The following PARP2 variants were observed in gnomAD, a reference collection of about 807,000 sequenced individuals.
The protein encoded by PARP2 is poly(ADP-ribose) polymerase 2.
PARP2 carries 57 observed loss-of-function variants against 77.8 expected under a neutral mutation model. The observed-to-expected ratio is 0.73, with a 90% CI of 0.59 to 0.91. PARP2 has a LOEUF of 0.91. PARP2 is among the 40% of genes least tolerant of loss of function. PARP2 has a pLI of 0.00. For synonymous variants in PARP2, 226 were observed against 242.6 expected (o/e 0.93, Z 0.64); for missense variants, 651 against 689.0 (o/e 0.94, Z 0.62).
At chr14:20,347,356 G>GTGTATGTA (rs1168423656) in intron 4 of PARP2, among the ~76,000 whole-genome samples, 12 of 29,568 alleles carry the variant, frequency 4.1e-4, no homozygotes, top group Non-Finnish European at 6.5e-4. Context: ...ATGTGTGTGT[G>GTGTATGTA]TATATATATA....
At chr14:20,356,952 T>C (rs990922108) in intron 13 of PARP2, 99 bp from the exon 14 acceptor site, 21 of 820,168 alleles carry the variant, frequency 2.6e-5, no homozygotes, top group African/African-American at 2.0e-4. Flanking sequence ...AGGGTCTATA[T>C]TGTGTTTAAG....
At chr14:20,357,583 A>T in intron 15 of PARP2, 55 bp from the exon 16 acceptor site, 1 of 1,605,016 alleles carries the variant, frequency 6.2e-7, no homozygotes, top group Non-Finnish European at 8.5e-7. Flanking sequence ...TACGTTCTCT[A>T]TTGCAGCTTC....
At chr14:20,351,024 T>G (rs770161745) in intron 5 of PARP2, 23 bp from the exon 6 acceptor site, 1 of 1,599,242 alleles carries the variant, frequency 6.3e-7, no homozygotes, top group East Asian at 2.2e-5. Context: ...GGAACTATCT[T>G]ATGTGTGGCA....
intron 12 of PARP2, 60 bp downstream of exon 12, chr14:20,356,494 C>G: frequency 6.2e-7 from 1 of 1,610,706 alleles, no homozygotes; most frequent in Non-Finnish European, 8.5e-7. Flanking sequence ...AGCTGTAGAA[C>G]TTATAAGAGG....
chr14:20,352,492 C>T (rs1365701098), intron 7 of PARP2, 145 bp downstream of exon 7: 2 of 534,770 alleles, frequency 3.7e-6, no homozygotes, highest in Non-Finnish European at 6.6e-6. Flanking sequence ...AAGTGATCCT[C>T]CCACCTCAGC....
chr14:20,357,234 G>T (rs1288971198), intron 14 of PARP2, 85 bp downstream of exon 14: 4 of 1,325,844 alleles, frequency 3.0e-6, no homozygotes, highest in Non-Finnish European at 4.3e-6. Flanking sequence ...GAACCAAGAG[G>T]TTTACCTGGG....
rs1883743744 is a variant in PARP2, at chr14:20,346,877, T to G, written c.288T>G (p.Cys96Trp). Reference sequence around the variant, plus strand: ...TCCCTTTCTAGGCTCATGTGTATTGTGAAGGAAATGATGTCTATGATGTCA... The same window carrying G: ...TCCCTTTCTAGGCTCATGTGTATTGGGAAGGAAATGATGTCTATGATGTCA... ...TAKVGKAHVY[C>W]EGNDVYDVML... Residue 96 changes from cysteine to tryptophan, a missense_variant, in exon 4 of 16, where the codon TGT becomes TGG. By Grantham distance (215) the Cys-to-Trp change is radical (BLOSUM62 -2). Transcript: ENST00000429687. 2 of 1,605,858 alleles carry G rather than the reference T, an allele frequency of 1.2e-6. No homozygotes were observed. Among genetic ancestry groups the G allele is most frequent in the Non-Finnish European group, 8.5e-7 (1 of 1,174,012 alleles).
At chr14:20,344,664 T>C (rs1883640466) in intron 1 of PARP2, among the ~76,000 whole-genome samples, 1 of 151,822 alleles carries the variant, frequency 6.6e-6, no homozygotes, top group Non-Finnish European at 1.5e-5. Context: ...AATACAAAAA[T>C]TAACTGGGCA....
At chr14:20,352,220 T>C in intron 6 of PARP2, 25 bp from the exon 7 acceptor site, 1 of 1,338,672 alleles carries the variant, frequency 7.5e-7, no homozygotes, top group Non-Finnish European at 1.1e-6. Context: ...ATTTGTAAAG[T>C]TTTCTTACAC....
In PARP2 at chr14:20,355,390, C is replaced by T. The variant is rs113285170; in HGVS notation, c.903-362C>T. Reference sequence around the variant, plus strand: ...TTTCTTTTATAGCTTTATAGAGCCCCGTGACCTAGAAATAACCCTGAGTGG... The same window carrying T: ...TTTCTTTTATAGCTTTATAGAGCCCTGTGACCTAGAAATAACCCTGAGTGG... On this transcript the variant is annotated intron_variant, in intron 9 of 15. Coordinates refer to ENST00000429687, the MANE Select transcript of PARP2 (RefSeq NM_001042618.2). 4.6e-3 allele frequency: 851 copies of T among 184,746 alleles called. 9 individuals carry two copies. Among genetic ancestry groups the T allele is most frequent in the African/African-American group, 0.019 (792 of 42,422 alleles). The allele number at this position is 184,746 out of a possible 1,614,324, so 11.4% of individuals were successfully genotyped here. A position where few individuals can be genotyped will look rare whatever the true frequency, so the allele number is the denominator to read the frequency against.
intron 4 of PARP2, 90 bp downstream of exon 4, chr14:20,347,003 A>T: frequency 1.3e-6 from 1 of 784,366 alleles, no homozygotes; most frequent in South Asian, 1.8e-5. Context: ...TCAGATCTTT[A>T]AAGTCCCTTT....
chr14:20,355,699 G>A (rs1271328650), intron 9 of PARP2, 53 bp from the exon 10 acceptor site: 39 of 1,400,650 alleles, frequency 2.8e-5, no homozygotes, highest in Non-Finnish European at 3.4e-5. Flanking sequence ...TTAGTCATGC[G>A]CCTTTTAGCC....
intron 8 of PARP2, 109 bp from the exon 9 acceptor site, chr14:20,354,700 C>G: frequency 8.8e-7 from 1 of 1,139,536 alleles, no homozygotes; most frequent in Non-Finnish European, 1.2e-6. Flanking sequence ...ATCTTAAAAA[C>G]AGGAAAAAAA....
Position 20,343,689 on chromosome 14 carries a change from T to C in PARP2, c.46+2T>C, listed in dbSNP as rs1226193715. 2.5e-6 allele frequency: 4 copies of C among 1,608,752 alleles called. No individual in the cohort carries two copies. The highest frequency in any genetic ancestry group is 2.7e-5 in the African/African-American group (2 of 74,852). Reference sequence around the variant, plus strand: ...GCACCGGCGGCGGCAGGGCGAGAGGTTCGGAGCTCAATATCGCGGGACGGC... The same window carrying C: ...GCACCGGCGGCGGCAGGGCGAGAGGCTCGGAGCTCAATATCGCGGGACGGC... On this transcript the variant is annotated splice_donor_variant, in intron 1 of 15. Coordinates refer to ENST00000429687, the MANE Select transcript of PARP2 (RefSeq NM_001042618.2). LOFTEE classifies it high-confidence loss of function.
At chr14:20,348,490 C>T (rs1014282187) in intron 4 of PARP2, among the ~76,000 whole-genome samples, 16 of 151,926 alleles carry the variant, frequency 1.1e-4, no homozygotes, top group African/African-American at 2.7e-4. Context: ...ACCTCAGCCT[C>T]CCAAGTAGCT....
chr14:20,343,672 G>C lies in PARP2; in HGVS notation c.31G>C (p.Gly11Arg). 1 of 1,610,080 alleles carries C rather than the reference G, an allele frequency of 6.2e-7. No individual in the cohort carries two copies. The highest frequency in any genetic ancestry group is 8.5e-7 in the Non-Finnish European group (1 of 1,178,866). Residue 11 changes from glycine (G) to arginine (R), a missense_variant, in exon 1 of 16, where the codon GGC becomes CGC. By Grantham distance (125) the Gly-to-Arg change is moderately radical. Coordinates refer to ENST00000429687, the MANE Select transcript of PARP2 (RefSeq NM_001042618.2). MAARRRRSTG[G>R]GRARALNESK... ...GGCGCGGCGGCGACGGAGCACCGGC[G>C]GCGGCAGGGCGAGAGGTTCGGAGCT...
chr14:20,351,152 T>C, intron 6 of PARP2, 30 bp downstream of exon 6: 4 of 1,546,270 alleles, frequency 2.6e-6, no homozygotes, highest in Non-Finnish European at 3.6e-6. Flanking sequence ...TACAAAAAAA[T>C]ATACCCTCCT....
At chr14:20,344,908 T>C in intron 1 of PARP2, 24 bp from the exon 2 acceptor site, 1 of 1,531,938 alleles carries the variant, frequency 6.5e-7, no homozygotes, top group Non-Finnish European at 9.0e-7. Flanking sequence ...GTACTCATTC[T>C]TTGCTAATTT....
At position 20,346,849 on chromosome 14, in the gene PARP2, C is replaced by G. The variant is rs1288679603; in HGVS notation, c.274-14C>G. On this transcript the variant is annotated splice_polypyrimidine_tract_variant and intron_variant, in intron 3 of 15. Transcript: ENST00000429687. ...CTATACTAATGTTGATTTTTTCTCT[C>G]TCTCCCTTTCTAGGCTCATGTGTAT... The G allele has an allele frequency of 3.8e-6, 6 of 1,579,022 alleles. No homozygotes were observed. In the East Asian group the frequency reaches 9.0e-5, roughly 24 times the overall value.
Sources: allele counts gnomAD v4.1 joint callset (sites outside exome capture counted in the v4.1 genomes callset), GRCh38; gene constraint gnomAD v4.1.1; transcripts MANE v1.5; gene names NCBI Gene and HGNC (gene_info 2026-07-23, HGNC 2026-07-21).